CACNA2D3: variants seen among roughly 807,000 people sequenced by gnomAD.
CACNA2D3 encodes the protein voltage-dependent calcium channel subunit alpha-2/delta-3.
Under a neutral mutation model 160.6 loss-of-function variants are expected in CACNA2D3, and 60 were observed. That is an observed-to-expected ratio of 0.37 (90% CI 0.30 to 0.46). The LOEUF (loss-of-function observed/expected upper bound fraction) is 0.46. Ranked by LOEUF, CACNA2D3 falls within the 20% of genes least tolerant of loss-of-function variation. The pLI is 1.00. For missense variants in CACNA2D3, 1,205 were observed against 1,365.0 expected (o/e 0.88, Z 1.85); for synonymous variants, 558 against 492.9 (o/e 1.13, Z -1.75).
intron 14 of CACNA2D3, among the ~76,000 whole-genome samples, chr3:54,829,405 A>G (rs374150577): frequency 6.6e-5 from 10 of 152,292 alleles, no homozygotes; most frequent in African/African-American, 2.4e-4. Flanking sequence ...GTAGTTGGCC[A>G]TTGAAAGGTT....
chr3:54,800,822 A>T (rs1373259008), intron 13 of CACNA2D3, among the ~76,000 whole-genome samples: 9 of 152,136 alleles, frequency 5.9e-5, no homozygotes, highest in Non-Finnish European at 1.3e-4. Context: ...GCTGCTAACT[A>T]ATCTGGTGTG....
intron 2 of CACNA2D3, among the ~76,000 whole-genome samples, chr3:54,307,411 A>C (rs6445645): frequency 0.71 from 108,441 of 152,050 alleles, 38,814 homozygotes; most frequent in Non-Finnish European, 0.74. Flanking sequence ...CTGCTGTGGG[A>C]AAATGGGAGG....
intron 13 of CACNA2D3, among the ~76,000 whole-genome samples, chr3:54,766,007 A>G (rs1201519138): frequency 6.6e-6 from 1 of 152,170 alleles, no homozygotes; most frequent in Non-Finnish European, 1.5e-5. Flanking sequence ...TGAAACCATT[A>G]CAAGCAGTAG....
chr3:54,318,634 G>A (rs1275255538), intron 2 of CACNA2D3, among the ~76,000 whole-genome samples: 7 of 152,038 alleles, frequency 4.6e-5, no homozygotes, highest in Admixed American at 3.9e-4. Flanking sequence ...CAGTGAATAC[G>A]GGGTTGCTGG....
chr3:54,879,037 A>T lies in CACNA2D3; in HGVS notation c.1730A>T (p.Asn577Ile), dbSNP rs760902642. The change falls in exon 19 of 38, where the codon AAT (asparagine) becomes ATT (isoleucine). Residue 577 changes from asparagine to isoleucine, a missense_variant. Asn to Ile is a moderately radical substitution (Grantham distance 149). Around this residue, in one of 3 missense-constraint regions of CACNA2D3, gnomAD observed 911 missense variants for 1,002.2 expected, o/e 0.91. Transcript: ENST00000474759. ...RDDVLRNAMV[N>I]RKTGKFSMEV... The stretch of plus-strand genomic sequence containing the variant: ...TTTTAGTTGAGAAATGCTATGGTGA[A>T]TCGAAAGACGGGGAAGTTTTCCATG... 11 of 1,605,454 alleles carry T rather than the reference A, an allele frequency of 6.9e-6. No homozygotes were observed. In the East Asian group the frequency reaches 2.5e-4, roughly 36 times the overall value.
At chr3:54,610,992 G>A (rs1230970316) in intron 9 of CACNA2D3, among the ~76,000 whole-genome samples, 2 of 151,966 alleles carry the variant, frequency 1.3e-5, no homozygotes, top group Non-Finnish European at 1.5e-5. Flanking sequence ...ATGTAGCATC[G>A]CCCTCTTTGC....
intron 11 of CACNA2D3, among the ~76,000 whole-genome samples, chr3:54,744,684 G>A (rs1029507001): frequency 6.6e-6 from 1 of 152,220 alleles, no homozygotes; most frequent in African/African-American, 2.4e-5. Flanking sequence ...AAACTTCTGG[G>A]CAGGCTGAGG....
intron 3 of CACNA2D3, among the ~76,000 whole-genome samples, chr3:54,339,377 C>T (rs1004641917): frequency 6.6e-6 from 1 of 152,198 alleles, no homozygotes; most frequent in African/African-American, 2.4e-5. Context: ...CCCTTTCACC[C>T]TACCCCAAAT....
At chr3:54,871,669 C>G in intron 18 of CACNA2D3, 47 bp downstream of exon 18, 1 of 1,433,140 alleles carries the variant, frequency 7.0e-7, no homozygotes, top group African/African-American at 1.4e-5. Context: ...CTGCATTGTA[C>G]CCACTTCTGT....
intron 5 of CACNA2D3, among the ~76,000 whole-genome samples, chr3:54,513,590 C>G (rs11713732): frequency 6.6e-6 from 1 of 152,046 alleles, no homozygotes; most frequent in Non-Finnish European, 1.5e-5. Context: ...TAGAACCACC[C>G]GGGCTCCACA....
intron 2 of CACNA2D3, among the ~76,000 whole-genome samples, chr3:54,208,046 T>G (rs1255164827): frequency 6.6e-6 from 1 of 152,200 alleles, no homozygotes; most frequent in East Asian, 1.9e-4. Flanking sequence ...CTTACTTTTC[T>G]AAAATGGGTG....
At chr3:54,733,820 A>G (rs1701440665) in intron 11 of CACNA2D3, among the ~76,000 whole-genome samples, 1 of 152,252 alleles carries the variant, frequency 6.6e-6, no homozygotes, top group Admixed American at 6.5e-5. Flanking sequence ...AGTTGCCTCC[A>G]GCGGTCTGAA....
intron 11 of CACNA2D3, among the ~76,000 whole-genome samples, chr3:54,661,166 G>A (rs1699962989): frequency 6.6e-6 from 1 of 152,176 alleles, no homozygotes; most frequent in Non-Finnish European, 1.5e-5. Flanking sequence ...GATTTCCAAG[G>A]TGCACTTGGA....
intron 26 of CACNA2D3, among the ~76,000 whole-genome samples, chr3:54,897,640 T>G (rs998276833): frequency 6.6e-6 from 1 of 152,226 alleles, no homozygotes; most frequent in Non-Finnish European, 1.5e-5. Flanking sequence ...GTAGTTATAT[T>G]TTACATATAT....
chr3:54,840,936 A>G (rs1303060918), intron 16 of CACNA2D3, among the ~76,000 whole-genome samples: 1 of 136,358 alleles, frequency 7.3e-6, no homozygotes, highest in Admixed American at 7.3e-5. Flanking sequence ...GTTAGCCAGG[A>G]TGGTCTCGAC....
intron 14 of CACNA2D3, among the ~76,000 whole-genome samples, chr3:54,822,775 TTTCTTTC>T (rs1265965435): frequency 1.1e-5 from 1 of 92,880 alleles, no homozygotes; most frequent in Non-Finnish European, 2.2e-5. Context: ...TCTTTCTTTC[TTTCTTTC>T]TTTCTTTCCT....
At chr3:54,598,672 G>A (rs1295707107) in intron 9 of CACNA2D3, among the ~76,000 whole-genome samples, 1 of 152,036 alleles carries the variant, frequency 6.6e-6, no homozygotes, top group East Asian at 1.9e-4. Context: ...TCTACCTTTC[G>A]ACATTTTTAA....
chr3:54,474,048 G>T (rs191962960), intron 4 of CACNA2D3, among the ~76,000 whole-genome samples: 1 of 152,224 alleles, frequency 6.6e-6, no homozygotes, highest in Admixed American at 6.5e-5. Context: ...CCATTACTGG[G>T]TATATACCCA....
chr3:54,952,778 T>C (rs1701791154), intron 27 of CACNA2D3, among the ~76,000 whole-genome samples: 1 of 152,152 alleles, frequency 6.6e-6, no homozygotes, highest in East Asian at 1.9e-4. Flanking sequence ...CTCAATGCCC[T>C]CAGCTGTAGA....
Sources: gnomAD v4.1 joint callset for allele counts (sites outside exome capture counted in the v4.1 genomes callset) on GRCh38, gnomAD v4.1.1 for gene constraint, gnomAD v4.1.1 regional missense constraint, MANE v1.5 for transcripts, NCBI Gene and HGNC (gene_info 2026-07-23, HGNC 2026-07-21) for gene names.